The following PPIP5K2 variants were observed in gnomAD, a reference collection of about 807,000 sequenced individuals.
PPIP5K2 encodes diphosphoinositol pentakisphosphate kinase 2, also known as inositol hexakisphosphate and diphosphoinositol-pentakisphosphate kinase 2.
Under a neutral mutation model 154.6 loss-of-function variants are expected in PPIP5K2, and 105 were observed. The ratio of observed to expected loss-of-function variants is 0.68; its 90% CI spans 0.58 to 0.80. The LOEUF (loss-of-function observed/expected upper bound fraction) is 0.80. Ranked by LOEUF, PPIP5K2 falls within the 30% of genes least tolerant of loss-of-function variation. The pLI is 0.00. For missense variants in PPIP5K2, 992 were observed against 1,504.6 expected (o/e 0.66, Z 5.64); for synonymous variants, 480 against 490.3 (o/e 0.98, Z 0.28).
chr5:103,136,422 T>G (rs1791508683), intron 3 of PPIP5K2, among the ~76,000 whole-genome samples: 1 of 152,230 alleles, frequency 6.6e-6, no homozygotes, highest in Admixed American at 6.5e-5. Context: ...ACATATAGAT[T>G]TCTCTTTGTG....
At chr5:103,153,827 A>T in intron 10 of PPIP5K2, 21 bp from the exon 11 acceptor site, 1 of 1,518,300 alleles carries the variant, frequency 6.6e-7, no homozygotes, top group Non-Finnish European at 9.1e-7. Context: ...AATTAAGAAC[A>T]TATATATTTT....
chr5:103,125,470 T>A lies in PPIP5K2; in HGVS notation c.-284-3836T>A, dbSNP rs544306440. Reference sequence around the variant, plus strand: ...CTAGCCTGTTCAGTTTTTTTTTTTTTATATGACATCTCTAAGTATCTCTCA... The same window carrying A: ...CTAGCCTGTTCAGTTTTTTTTTTTTAATATGACATCTCTAAGTATCTCTCA... On this transcript the variant is annotated intron_variant, in intron 1 of 30. Transcript: ENST00000358359. 2.2e-4 allele frequency among the ~76,000 whole-genome samples: 34 copies of A among 151,280 alleles called. No homozygotes were observed. In the South Asian group the frequency reaches 6.7e-3, roughly 30 times the overall value.
At chr5:103,160,845 C>T (rs890812646) in intron 17 of PPIP5K2, among the ~76,000 whole-genome samples, 10 of 151,766 alleles carry the variant, frequency 6.6e-5, no homozygotes, top group East Asian at 1.9e-4. Context: ...AATGAGCATA[C>T]GTTTCTCTTG....
At chr5:103,192,589 ATAG>A (rs1282944325) in intron 29 of PPIP5K2, among the ~76,000 whole-genome samples, 1 of 152,140 alleles carries the variant, frequency 6.6e-6, no homozygotes, top group Non-Finnish European at 1.5e-5. Flanking sequence ...GGTAATAGAA[ATAG>A]TAGTGACATG....
In PPIP5K2 at chr5:103,210,510, TATTAATCTC is replaced by T. The variant is rs2149895137; in HGVS notation, c.*8878_*8886del. On this transcript the variant is annotated 3_prime_UTR_variant, in exon 31 of 31. Transcript: ENST00000358359. The stretch of plus-strand genomic sequence containing the variant: ...GGAGCTGGGAGAAAGGAGACCTGGG[TATTAATCTC>T]AGCTCTACCACTACATGGTAGAGCT... The T allele has an allele frequency of 6.6e-6, 1 of 152,092 alleles. No individual in the cohort carries two copies. Among genetic ancestry groups the T allele is most frequent in the African/African-American group, 2.4e-5 (1 of 41,510 alleles). 9.4% of individuals were successfully genotyped at this position (152,092 alleles called of 1,614,324 possible).
At chr5:103,156,810 A>G (rs2149597785) in intron 14 of PPIP5K2, among the ~76,000 whole-genome samples, 1 of 152,320 alleles carries the variant, frequency 6.6e-6, no homozygotes, top group Admixed American at 6.5e-5. Flanking sequence ...AGAAGTAATC[A>G]GATGTTCAGG....
chr5:103,178,121 G>C, intron 23 of PPIP5K2, 141 bp downstream of exon 23: 1 of 642,866 alleles, frequency 1.6e-6, no homozygotes, highest in East Asian at 2.8e-5. Flanking sequence ...TTTTTAAAGT[G>C]TGATTTGTAT....
rs1255332216 is a variant in PPIP5K2, at chr5:103,129,526, T to C, written c.-64T>C. The stretch of plus-strand genomic sequence containing the variant: ...TATGGAGAATGCTTTCTTCTGATAC[T>C]ATTTACTTAGAGGCAGTTTTAATAT... On this transcript the variant is annotated 5_prime_UTR_variant, in exon 2 of 31. Coordinates refer to ENST00000358359, the MANE Select transcript of PPIP5K2 (RefSeq NM_001276277.3). 7.5e-7 allele frequency: 1 copy of C among 1,337,400 alleles called. No individual in the cohort carries two copies. The highest frequency in any genetic ancestry group is 1.0e-6 in the Non-Finnish European group (1 of 999,482). The allele number at this position is 1,337,400 out of a possible 1,614,324, so 82.8% of individuals were successfully genotyped here.
intron 14 of PPIP5K2, 51 bp downstream of exon 14, chr5:103,156,045 A>G: frequency 8.1e-7 from 1 of 1,237,602 alleles, no homozygotes; most frequent in Admixed American, 1.8e-5. Context: ...GTAACTTGTT[A>G]TTCACTGTTG....
chr5:103,170,549 A>G (rs1797822097), intron 19 of PPIP5K2, among the ~76,000 whole-genome samples: 1 of 151,560 alleles, frequency 6.6e-6, no homozygotes. Flanking sequence ...GTCTTTTTAT[A>G]TGCTTCCCTG....
In PPIP5K2 at chr5:103,199,619, A is replaced by AT. The variant is rs542787488; in HGVS notation, c.3620-1892dup. On this transcript the variant is annotated intron_variant, in intron 30 of 30. Transcript: ENST00000358359. ...GGTTGACTAAGGCATATTTATGTCT[A>AT]TTTTTTTTTTTCTTTTTTGGTAATA... is the stretch of plus-strand genomic sequence containing the variant. Among the ~76,000 whole-genome samples the AT allele has an allele frequency of 3.8e-3, 537 of 141,454 alleles. 2 individuals carry two copies. The highest frequency in any genetic ancestry group is 0.012 in the African/African-American group (476 of 38,698). The allele number at this position is 141,454 out of a possible 152,430, so 92.8% of individuals were successfully genotyped here.
intron 29 of PPIP5K2, among the ~76,000 whole-genome samples, chr5:103,191,884 ACTTT>A (rs1554227060): frequency 6.6e-6 from 1 of 152,002 alleles, no homozygotes; most frequent in Non-Finnish European, 1.5e-5. Flanking sequence ...AAAGTGACAA[ACTTT>A]CTTTGTGTAT....
intron 1 of PPIP5K2, among the ~76,000 whole-genome samples, chr5:103,121,704 G>A (rs1198308054): frequency 6.6e-6 from 1 of 152,188 alleles, no homozygotes; most frequent in African/African-American, 2.4e-5. Flanking sequence ...TGCAGCACAG[G>A]TTTATTTAAA....
At chr5:103,133,738 A>G (rs1244682149) in intron 3 of PPIP5K2, 90 bp downstream of exon 3, 1 of 1,073,362 alleles carries the variant, frequency 9.3e-7, no homozygotes, top group Admixed American at 3.1e-5. Context: ...TAAAACAGAA[A>G]AATAAACATT....
intron 14 of PPIP5K2, among the ~76,000 whole-genome samples, chr5:103,157,712 AAC>A (rs1554214017): frequency 1.3e-5 from 2 of 151,898 alleles, no homozygotes; most frequent in African/African-American, 4.8e-5. Context: ...AAAAAAAAAA[AAC>A]AAAAAAATAT....
chr5:103,144,156 T>TA (rs34523301), intron 5 of PPIP5K2, among the ~76,000 whole-genome samples: 8,158 of 139,204 alleles, frequency 0.059, 539 homozygotes, highest in African/African-American at 0.18. Context: ...AAAAAGAAAC[T>TA]AAAAAAAAAA....
At chr5:103,182,698 A>G (rs1286601328) in intron 24 of PPIP5K2, among the ~76,000 whole-genome samples, 3 of 152,186 alleles carry the variant, frequency 2.0e-5, no homozygotes, top group African/African-American at 7.2e-5. Context: ...ATTTGAGTCC[A>G]TCTTATGATT....
Position 103,172,038 on chromosome 5 carries a change from T to C in PPIP5K2, c.2287-1117T>C, listed in dbSNP as rs546611243. 9.2e-5 allele frequency among the ~76,000 whole-genome samples: 14 copies of C among 151,776 alleles called. No homozygotes were observed. The South Asian group carries it at 2.1e-3, about 22-fold the overall frequency. On this transcript the variant is annotated intron_variant, in intron 19 of 30. Coordinates refer to ENST00000358359, the MANE Select transcript of PPIP5K2 (RefSeq NM_001276277.3). Reference sequence around the variant, plus strand: ...TTCCATTCATTCAAGATCATTTCTGTAGCTCCAGAAATCTTTAATCAGTTT... The same window carrying C: ...TTCCATTCATTCAAGATCATTTCTGCAGCTCCAGAAATCTTTAATCAGTTT...
chr5:103,149,380 C>A, intron 8 of PPIP5K2, 67 bp downstream of exon 8: 1 of 1,397,220 alleles, frequency 7.2e-7, no homozygotes. Flanking sequence ...TTGACTAAGA[C>A]ATTATTGGTG....
Sources: gnomAD v4.1 joint callset for allele counts (sites outside exome capture counted in the v4.1 genomes callset) on GRCh38, gnomAD v4.1.1 for gene constraint, MANE v1.5 for transcripts, NCBI Gene and HGNC (gene_info 2026-07-23, HGNC 2026-07-21) for gene names.